The following PALLD variants were observed in gnomAD, a reference collection of about 807,000 sequenced individuals.
The protein encoded by PALLD is palladin, cytoskeletal associated protein, also known as palladin.
A neutral mutation model predicts 123.5 loss-of-function variants in PALLD; 61 were observed. The observed-to-expected ratio is 0.49, with a 90% CI of 0.40 to 0.61. PALLD has a LOEUF of 0.61. PALLD is among the 20% of genes least tolerant of loss of function. The pLI is 0.00. For synonymous variants in PALLD, 465 were observed against 496.4 expected, an observed-to-expected ratio of 0.94 and a Z score of 0.84; for missense variants, 1,273 against 1,377.0, an observed-to-expected ratio of 0.92 and a Z score of 1.20.
chr4:168,639,718 TA>T (rs1396571550), intron 2 of PALLD, among the ~76,000 whole-genome samples: 2 of 146,558 alleles, frequency 1.4e-5, no homozygotes, highest in African/African-American at 5.1e-5. Context: ...TAATTTTTTG[TA>T]TTTTTTAGTA....
chr4:168,736,745 C>T (rs1316605802), intron 10 of PALLD, among the ~76,000 whole-genome samples: 1 of 152,142 alleles, frequency 6.6e-6, no homozygotes, highest in Non-Finnish European at 1.5e-5. Context: ...GGAACAGCAT[C>T]TCCCACAACA....
intron 10 of PALLD, among the ~76,000 whole-genome samples, chr4:168,734,558 T>C (rs1210029077): frequency 6.6e-6 from 1 of 152,224 alleles, no homozygotes; most frequent in Admixed American, 6.5e-5. Context: ...TCAGCTCAAG[T>C]GAGCCATTTT....
intron 15 of PALLD, among the ~76,000 whole-genome samples, chr4:168,907,614 C>A (rs1405298504): frequency 2.0e-5 from 3 of 152,086 alleles, no homozygotes; most frequent in Non-Finnish European, 4.4e-5. Context: ...CAAGAGAAGC[C>A]CCAAAAGAGA....
At chr4:168,760,360 T>C (rs1732663475) in intron 10 of PALLD, among the ~76,000 whole-genome samples, 1 of 152,108 alleles carries the variant, frequency 6.6e-6, no homozygotes, top group Non-Finnish European at 1.5e-5. Context: ...CCTTGGTTAC[T>C]CTACTGTGAC....
At chr4:168,707,515 G>A (rs1420617138) in intron 8 of PALLD, among the ~76,000 whole-genome samples, 2 of 152,146 alleles carry the variant, frequency 1.3e-5, no homozygotes, top group Non-Finnish European at 2.9e-5. Flanking sequence ...TTCACCTAAG[G>A]GTTCATCAGG....
intron 2 of PALLD, among the ~76,000 whole-genome samples, chr4:168,548,839 A>G (rs1766436058): frequency 6.6e-6 from 1 of 152,142 alleles, no homozygotes. Context: ...AAATTTGAGG[A>G]GCGTGGTAAA....
At chr4:168,513,647 G>C (rs1286034928) in intron 2 of PALLD, among the ~76,000 whole-genome samples, 2 of 152,188 alleles carry the variant, frequency 1.3e-5, no homozygotes, top group Non-Finnish European at 2.9e-5. Context: ...TGCTGCAGTA[G>C]TGTTACCTAT....
Position 168,898,725 on chromosome 4 carries a change from A to T in PALLD, c.2472+11A>T, listed in dbSNP as rs1195762590. The T allele has an allele frequency of 6.4e-7, 1 of 1,571,530 alleles. No homozygotes were observed. Among genetic ancestry groups the T allele is most frequent in the Admixed American group, 1.7e-5 (1 of 59,960 alleles). On this transcript the variant is annotated intron_variant, in intron 14 of 21. Coordinates refer to ENST00000505667, the MANE Select transcript of PALLD (RefSeq NM_001166108.2). ...AATCCAAAGCCAAAGGTGAGCTGGGAGATGGAGGCTTTTTAAGAGTCATTC... is the reference window on the plus strand; with the variant it reads ...AATCCAAAGCCAAAGGTGAGCTGGGTGATGGAGGCTTTTTAAGAGTCATTC...
intron 17 of PALLD, among the ~76,000 whole-genome samples, chr4:168,918,736 T>A (rs1163717567): frequency 6.6e-6 from 1 of 152,184 alleles, no homozygotes; most frequent in Non-Finnish European, 1.5e-5. Context: ...TCAGTTTAGG[T>A]ATTCCACAAC....
chr4:168,678,508 A>G (rs1781098086), intron 3 of PALLD, among the ~76,000 whole-genome samples: 1 of 152,182 alleles, frequency 6.6e-6, no homozygotes, highest in Non-Finnish European at 1.5e-5. Context: ...CGTGGAAGAT[A>G]GCGTATCAAG....
At chr4:168,751,343 G>C (rs1476214148) in intron 10 of PALLD, among the ~76,000 whole-genome samples, 2 of 152,132 alleles carry the variant, frequency 1.3e-5, no homozygotes, top group African/African-American at 4.8e-5. Flanking sequence ...CTCTCCGGCA[G>C]TATAATATAT....
chr4:168,741,411 C>G (rs540345496), intron 10 of PALLD, among the ~76,000 whole-genome samples: 1 of 152,030 alleles, frequency 6.6e-6, no homozygotes, highest in Non-Finnish European at 1.5e-5. Flanking sequence ...CGTGGTGGCT[C>G]ACGCCTATAA....
At chr4:168,846,064 T>A (rs1378554063) in intron 10 of PALLD, among the ~76,000 whole-genome samples, 1 of 152,232 alleles carries the variant, frequency 6.6e-6, no homozygotes, top group Admixed American at 6.5e-5. Flanking sequence ...GTCCCTTAAC[T>A]GAATGTCATT....
intron 10 of PALLD, among the ~76,000 whole-genome samples, chr4:168,857,620 A>G (rs1228000513): frequency 2.0e-5 from 3 of 152,248 alleles, no homozygotes; most frequent in African/African-American, 7.2e-5. Context: ...TAGCGTGTTA[A>G]TATGCTGACG....
At chr4:168,632,088 G>A (rs1164131530) in intron 2 of PALLD, among the ~76,000 whole-genome samples, 5 of 151,604 alleles carry the variant, frequency 3.3e-5, no homozygotes, top group East Asian at 3.9e-4. Context: ...GGGGTTGGCG[G>A]GGGCGGGTCC....
chr4:168,567,765 G>A (rs1400871609), intron 2 of PALLD, among the ~76,000 whole-genome samples: 1 of 151,900 alleles, frequency 6.6e-6, no homozygotes, highest in Non-Finnish European at 1.5e-5. Flanking sequence ...CATGGACATA[G>A]TGAATGGAAT....
intron 10 of PALLD, among the ~76,000 whole-genome samples, chr4:168,745,566 T>C (rs924454018): frequency 6.6e-6 from 1 of 152,206 alleles, no homozygotes; most frequent in Non-Finnish European, 1.5e-5. Flanking sequence ...AACTTAAATT[T>C]ATTTTGGATT....
intron 10 of PALLD, among the ~76,000 whole-genome samples, chr4:168,722,839 A>T (rs552391905): frequency 1.3e-5 from 2 of 152,340 alleles, no homozygotes; most frequent in Non-Finnish European, 2.9e-5. Context: ...TGAGATTATC[A>T]GCCAAGCCGT....
chr4:168,615,161 TA>T lies in PALLD; in HGVS notation c.909-53015del, dbSNP rs11381519. Among the ~76,000 whole-genome samples the T allele has an allele frequency of 2.5e-3, 364 of 146,482 alleles. 1 individual carries two copies. Among genetic ancestry groups the T allele is most frequent in the African/African-American group, 4.8e-3 (194 of 40,146 alleles). ...CTCGTTCCTGGGAAAGATGGTAAGT[TA>T]AAAAAAAAAAAAACTTTATAAAGCA... On this transcript the variant is annotated intron_variant, in intron 2 of 21. Coordinates refer to ENST00000505667, the MANE Select transcript of PALLD (RefSeq NM_001166108.2).
Sources: gnomAD v4.1 joint callset for allele counts (sites outside exome capture counted in the v4.1 genomes callset) on GRCh38, gnomAD v4.1.1 for gene constraint, MANE v1.5 for transcripts, NCBI Gene and HGNC (gene_info 2026-07-23, HGNC 2026-07-21) for gene names.